MXD3: variants seen among roughly 807,000 people sequenced by gnomAD.
The protein encoded by MXD3 is Max-associated protein 3.
Under a neutral mutation model 27.5 loss-of-function variants are expected in MXD3, and 20 were observed. The observed-to-expected ratio is 0.73, with a 90% CI of 0.51 to 1.06. The LOEUF (loss-of-function observed/expected upper bound fraction) is 1.06. Among genes scored for constraint, MXD3 ranks in the 50% least tolerant of loss-of-function variants. The pLI, the probability that MXD3 is intolerant of heterozygous loss-of-function variation, is 0.00. For synonymous variants in MXD3, 150 were observed against 130.7 expected, an observed-to-expected ratio of 1.15 and a Z score of -1.01; for missense variants, 298 against 291.3, an observed-to-expected ratio of 1.02 and a Z score of -0.17.
downstream of MXD3, chr5:177,306,229 A>T (rs926144462): frequency 5.7e-6 from 9 of 1,586,220 alleles, no homozygotes; most frequent in Admixed American, 1.5e-4. Context: ...CATTCAGCCT[A>T]GCGGGCGTGG....
downstream of MXD3, chr5:177,306,149 T>G (rs1760868064): frequency 6.2e-7 from 1 of 1,613,724 alleles, no homozygotes; most frequent in Non-Finnish European, 8.5e-7. Context: ...TATGAAGGGT[T>G]TTGAATATAT....
At chr5:177,308,045 C>CATTGGCCCTGTGGCCGTGG in intron 4 of MXD3, 81 bp from the exon 5 acceptor site, 1 of 1,338,160 alleles carries the variant, frequency 7.5e-7, no homozygotes, top group Non-Finnish European at 1.0e-6. Context: ...CAGTACCGGG[C>CATTGGCCCTGTGGCCGTGG]CACGGCCACA....
chr5:177,309,055 C>T (rs892782144), intron 4 of MXD3, among the ~76,000 whole-genome samples: 3 of 152,180 alleles, frequency 2.0e-5, no homozygotes, highest in African/African-American at 7.2e-5. Flanking sequence ...GAGGAAGAAA[C>T]GTCAAGACAC....
chr5:177,310,942 C>T (rs1761019694), intron 2 of MXD3: 3 of 597,046 alleles, frequency 5.0e-6, no homozygotes, highest in Non-Finnish European at 8.9e-6. Context: ...AGGGCGCCTG[C>T]CAGCTGGCCA....
chr5:177,308,155 G>T (rs1167511325), intron 4 of MXD3, 191 bp from the exon 5 acceptor site: 6 of 589,222 alleles, frequency 1.0e-5, no homozygotes, highest in Middle Eastern at 4.5e-4. Flanking sequence ...CCATGCACAC[G>T]TCCTGTCAGG....
chr5:177,311,121 C>A, intron 2 of MXD3: 1 of 521,748 alleles, frequency 1.9e-6, no homozygotes, highest in South Asian at 2.9e-5. Flanking sequence ...GTGTGGGGTG[C>A]GGGAGTGCGA....
chr5:177,307,107 C>A (rs568546189), downstream of MXD3: 1 of 1,496,752 alleles, frequency 6.7e-7, no homozygotes, highest in East Asian at 2.5e-5. Context: ...CTGCCTGGCA[C>A]GGCCAACAGT....
rs111894331 is a variant in MXD3, at chr5:177,311,711, C to T, written c.70+50G>A. On this transcript the variant is annotated intron_variant, in intron 1 of 5. Coordinates refer to ENST00000439742, the MANE Select transcript of MXD3 (RefSeq NM_031300.4). ...GCTGGGAGCCAGGTCCAGTCCAGGC[C>T]CGTGTCAGCGAGGTCGCCGCCCGGA... is the stretch of plus-strand genomic sequence containing the variant. 1.4e-5 allele frequency: 22 copies of T among 1,578,270 alleles called. No homozygotes were observed. In the African/African-American group the frequency reaches 2.3e-4, roughly 16 times the overall value.
chr5:177,307,612 C>T lies in MXD3; in HGVS notation c.597G>A (p.Ser199=), dbSNP rs773191577. 23 of 1,612,816 alleles carry T rather than the reference C, an allele frequency of 1.4e-5. No individual in the cohort carries two copies. Among genetic ancestry groups the T allele is most frequent in the African/African-American group, 1.2e-4 (9 of 74,942 alleles). The change falls in exon 6 of 6, where the codon TCG becomes TCA. Residue 199 remains serine (S), a synonymous_variant. Transcript: ENST00000439742. ...GFVAGQEHSY[S]HGGGAWL ...ATCATAGCCAGGCGCCGCCGCCGTG[C>T]GAGTAGCTGTGCTCCTGGCCGGCGA... is the stretch of plus-strand genomic sequence containing the variant.
Position 177,311,261 on chromosome 5 carries a change from C to T in MXD3, c.176+118G>A. On this transcript the variant is annotated intron_variant, in intron 2 of 5. Transcript: ENST00000439742. ...GGGGAGATGGCAGGAGGGGTCTGAA[C>T]GCTTCCTGGAGCGGGACACCTGGCC... The T allele has an allele frequency of 1.5e-5, 9 of 608,380 alleles. No individual in the cohort carries two copies. The South Asian group carries it at 2.3e-4, about 16-fold the overall frequency. 37.7% of individuals were successfully genotyped at this position (608,380 alleles called of 1,614,324 possible).
At chr5:177,307,161 G>C, downstream of MXD3, 1 of 1,548,438 alleles carries the variant, frequency 6.5e-7, no homozygotes, top group East Asian at 2.4e-5. Context: ...CAGTGGGTCT[G>C]TGGTTGGGAG....
intron 2 of MXD3, 64 bp downstream of exon 2, chr5:177,311,312 AGAG>A: frequency 9.1e-7 from 1 of 1,095,216 alleles, no homozygotes; most frequent in Non-Finnish European, 1.2e-6. Flanking sequence ...ACAAGTGGGC[AGAG>A]GAGGGCCCGA....
chr5:177,306,141 T>C (rs1760867619), downstream of MXD3: 1 of 1,613,756 alleles, frequency 6.2e-7, no homozygotes, highest in African/African-American at 1.3e-5. Flanking sequence ...ACCAAGACTA[T>C]GAAGGGTTTT....
upstream of MXD3, chr5:177,312,477 A>G (rs1443783572): frequency 5.1e-6 from 5 of 985,424 alleles, no homozygotes; most frequent in Non-Finnish European, 6.0e-6. Context: ...TGAAAACCCA[A>G]GCGATGGGGC....
intron 2 of MXD3, 133 bp downstream of exon 2, chr5:177,311,246 C>T: frequency 1.8e-6 from 1 of 549,274 alleles, no homozygotes; most frequent in Non-Finnish European, 3.2e-6. Context: ...GGGGAGATGG[C>T]AGGAGGGGTC....
chr5:177,310,915 G>T (rs1344929697), intron 2 of MXD3: 3 of 612,328 alleles, frequency 4.9e-6, no homozygotes, highest in Non-Finnish European at 8.6e-6. Flanking sequence ...GCCCAGGTGG[G>T]TATGAGGGCC....
In MXD3 at chr5:177,311,867, C is replaced by G. The variant is rs752391157; in HGVS notation, c.-37G>C. The G allele has an allele frequency of 1.3e-6, 2 of 1,599,126 alleles. No homozygotes were observed. The highest frequency in any genetic ancestry group is 2.2e-5 in the South Asian group (2 of 89,818). ...CTGGCGGCGGGCCGGCCTAGGGTGC[C>G]GGCCGGAGCAAGCGGCTGCAGCACT... is the stretch of plus-strand genomic sequence containing the variant. On this transcript the variant is annotated 5_prime_UTR_variant, in exon 1 of 6. Transcript: ENST00000439742.
chr5:177,311,522 T>C, intron 1 of MXD3, 38 bp from the exon 2 acceptor site: 1 of 1,381,252 alleles, frequency 7.2e-7, no homozygotes. Flanking sequence ...AGGCTGGGGC[T>C]GGACCTGGTC....
chr5:177,311,920 A>C, upstream of MXD3: 4 of 1,466,978 alleles, frequency 2.7e-6, no homozygotes, highest in Non-Finnish European at 3.6e-6. Context: ...GACACGGTGC[A>C]ACAAACACAG....
Sources: gnomAD v4.1 joint callset for allele counts (sites outside exome capture counted in the v4.1 genomes callset) on GRCh38, gnomAD v4.1.1 for gene constraint, MANE v1.5 for transcripts, NCBI Gene and HGNC (gene_info 2026-07-23, HGNC 2026-07-21) for gene names.